Variants in ARMC1 observed in about 807,000 individuals in gnomAD.
ARMC1 encodes armadillo repeat containing 1.
A neutral mutation model predicts 31.4 loss-of-function variants in ARMC1; 16 were observed. The observed-to-expected ratio is 0.51, with a 90% CI of 0.34 to 0.77. The LOEUF is 0.77. Ranked by LOEUF, ARMC1 falls within the 30% of genes least tolerant of loss-of-function variation. ARMC1 has a pLI of 0.01. For synonymous variants in ARMC1, 114 were observed against 118.9 expected (o/e 0.96, Z 0.27); for missense variants, 259 against 347.5 (o/e 0.75, Z 2.02).
At position 65,607,894 on chromosome 8, in the gene ARMC1, C is replaced by T. The variant is rs1369451847; in HGVS notation, c.466-2356G>A. Among the ~76,000 whole-genome samples the T allele has an allele frequency of 2.6e-5, 4 of 151,952 alleles. No homozygotes were observed. In the East Asian group the frequency reaches 7.7e-4, roughly 29 times the overall value. On this transcript the variant is annotated intron_variant, in intron 4 of 6. Coordinates refer to ENST00000276569, the MANE Select transcript of ARMC1 (RefSeq NM_018120.6). Reference sequence around the variant, plus strand: ...ATTAAGAATACCCTTGCTACTATCACACTGGTCATTAAGTTTAAAAAAACA... The same window carrying T: ...ATTAAGAATACCCTTGCTACTATCATACTGGTCATTAAGTTTAAAAAAACA...
intron 2 of ARMC1, among the ~76,000 whole-genome samples, chr8:65,624,657 CTT>C (rs1052252426): frequency 1.3e-5 from 2 of 151,998 alleles, no homozygotes; most frequent in South Asian, 4.1e-4. Context: ...GAAATATACT[CTT>C]GTGTGATTCT....
intron 2 of ARMC1, among the ~76,000 whole-genome samples, chr8:65,624,497 T>TAAAAAAAAAAAAAA (rs1217598853): frequency 4.1e-5 from 1 of 24,624 alleles, no homozygotes; most frequent in Non-Finnish European, 9.6e-5. Flanking sequence ...AGACTCCATC[T>TAAAAAAAAAAAAAA]CAAAAAAAAA....
At chr8:65,615,967 G>GA (rs1333634495) in intron 3 of ARMC1, among the ~76,000 whole-genome samples, 1 of 151,826 alleles carries the variant, frequency 6.6e-6, no homozygotes, top group Non-Finnish European at 1.5e-5. Context: ...GCATCAACTA[G>GA]AAAATGAATC....
chr8:65,607,271 T>A, intron 4 of ARMC1, among the ~76,000 whole-genome samples: 1 of 152,232 alleles, frequency 6.6e-6, no homozygotes, highest in South Asian at 2.1e-4. Context: ...TGGTGCCAAA[T>A]AGCACCATGT....
intron 1 of ARMC1, among the ~76,000 whole-genome samples, chr8:65,627,821 G>A (rs998260476): frequency 6.6e-6 from 1 of 152,256 alleles, no homozygotes; most frequent in East Asian, 1.9e-4. Flanking sequence ...AGTGCCCGAG[G>A]GAAAAGTGGC....
intron 1 of ARMC1, among the ~76,000 whole-genome samples, chr8:65,631,136 A>C (rs1204104180): frequency 6.6e-6 from 1 of 152,180 alleles, no homozygotes; most frequent in African/African-American, 2.4e-5. Context: ...TTTATGTAAA[A>C]CTTCAGGAGA....
intron 2 of ARMC1, among the ~76,000 whole-genome samples, chr8:65,626,831 C>T (rs932610883): frequency 9.2e-5 from 14 of 152,072 alleles, no homozygotes; most frequent in Admixed American, 6.6e-4. Context: ...GCCTGGCCAA[C>T]ATGGCGAAAC....
At chr8:65,617,156 C>T (rs563737506) in intron 3 of ARMC1, among the ~76,000 whole-genome samples, 7 of 152,334 alleles carry the variant, frequency 4.6e-5, no homozygotes, top group East Asian at 1.9e-4. Flanking sequence ...GCCATGATGA[C>T]GATGGCGGTT....
chr8:65,629,142 G>A (rs1214512769), intron 1 of ARMC1, among the ~76,000 whole-genome samples: 1 of 146,982 alleles, frequency 6.8e-6, no homozygotes, highest in African/African-American at 2.5e-5. Context: ...ATGACAGGGC[G>A]AGACTCCATC....
intron 1 of ARMC1, among the ~76,000 whole-genome samples, 168 bp from the exon 2 acceptor site, chr8:65,627,601 TAA>T (rs1475370487): frequency 2.0e-5 from 3 of 152,140 alleles, no homozygotes; most frequent in Admixed American, 6.6e-5. Context: ...AAAATGAACG[TAA>T]GACGACTGAA....
intron 3 of ARMC1, among the ~76,000 whole-genome samples, chr8:65,619,673 C>T (rs2129042879): frequency 6.6e-6 from 1 of 151,772 alleles, no homozygotes; most frequent in Middle Eastern, 3.4e-3. Flanking sequence ...ATGTCAAGAC[C>T]CCATCTCTAC....
chr8:65,614,034 G>T (rs1015206853), intron 3 of ARMC1, among the ~76,000 whole-genome samples: 1 of 151,488 alleles, frequency 6.6e-6, no homozygotes, highest in Non-Finnish European at 1.5e-5. Context: ...GTTGTAACAT[G>T]TTCCTGTATT....
In ARMC1 at chr8:65,622,816, G is replaced by C. The variant is rs541695491; in HGVS notation, c.184-462C>G. ...AGGTGGGCAGATCAAGACCATCCTG[G>C]CCAACATGGTGAAACCTCACCTCTA... On this transcript the variant is annotated intron_variant, in intron 2 of 6. Transcript: ENST00000276569. Among the ~76,000 whole-genome samples the C allele has an allele frequency of 3.2e-4, 48 of 152,004 alleles. No individual in the cohort carries two copies. The South Asian group carries it at 1.0e-2, about 32-fold the overall frequency.
intron 4 of ARMC1, among the ~76,000 whole-genome samples, chr8:65,607,346 A>C (rs965947034): frequency 6.6e-6 from 1 of 152,366 alleles, no homozygotes; most frequent in East Asian, 1.9e-4. Flanking sequence ...CACAATATAT[A>C]TAAGTTAGGA....
intron 2 of ARMC1, among the ~76,000 whole-genome samples, chr8:65,625,541 T>C (rs1808494169): frequency 6.6e-6 from 1 of 152,188 alleles, no homozygotes; most frequent in African/African-American, 2.4e-5. Context: ...TTAGACATAT[T>C]CTAGTCTATT....
At chr8:65,627,996 A>G (rs1277893469) in intron 1 of ARMC1, among the ~76,000 whole-genome samples, 1 of 152,232 alleles carries the variant, frequency 6.6e-6, no homozygotes, top group Non-Finnish European at 1.5e-5. Context: ...ATCATAGTGA[A>G]TCTACACTGA....
chr8:65,613,666 A>C (rs969806301), intron 3 of ARMC1, among the ~76,000 whole-genome samples: 1 of 152,194 alleles, frequency 6.6e-6, no homozygotes, highest in Non-Finnish European at 1.5e-5. Flanking sequence ...AACACTATAG[A>C]GGTATAAAAA....
At chr8:65,630,921 A>G (rs1405246510) in intron 1 of ARMC1, among the ~76,000 whole-genome samples, 2 of 152,212 alleles carry the variant, frequency 1.3e-5, no homozygotes, top group Non-Finnish European at 1.5e-5. Flanking sequence ...ACCTTAGCTA[A>G]TGCAGTTGGT....
In ARMC1 at chr8:65,613,344, T is replaced by C; in HGVS notation, c.365A>G (p.Asn122Ser). ...TTTCCTTCGACGTGAATTCATCTCA[T>C]TAAAACTATCACCATCTGCCATATT... is the stretch of plus-strand genomic sequence containing the variant. ...SSNMADGDSFNEMNSRRRKAQ... is the reference protein window; with the variant it reads ...SSNMADGDSFSEMNSRRRKAQ... The change falls in exon 4 of 7, where the codon AAT becomes AGT. Residue 122 changes from asparagine (N) to serine (S), a missense_variant. By Grantham distance (46) the Asn-to-Ser change is conservative (BLOSUM62 1). This residue lies in a region of ARMC1 where 163 missense variants were observed against 186.7 expected (regional missense o/e 0.87). Transcript: ENST00000276569. 1 of 1,612,780 alleles carries C rather than the reference T, an allele frequency of 6.2e-7. No individual in the cohort carries two copies. Among genetic ancestry groups the C allele is most frequent in the Non-Finnish European group, 8.5e-7 (1 of 1,179,512 alleles).
Sources: gnomAD v4.1 joint callset for allele counts (sites outside exome capture counted in the v4.1 genomes callset) on GRCh38, gnomAD v4.1.1 for gene constraint, gnomAD v4.1.1 regional missense constraint, MANE v1.5 for transcripts, NCBI Gene and HGNC (gene_info 2026-07-23, HGNC 2026-07-21) for gene names.